Variants in PARD3B observed in about 807,000 individuals in gnomAD.
PARD3B encodes partitioning defective 3 homolog B.
In PARD3B, 103 loss-of-function variants were observed where a neutral mutation model predicts 130.2. That is an observed-to-expected ratio of 0.79 (90% confidence interval 0.67 to 0.93). PARD3B has a LOEUF of 0.93. Ranked by LOEUF, PARD3B falls within the 40% of genes least tolerant of loss-of-function variation. The pLI, the probability that PARD3B is intolerant of heterozygous loss-of-function variation, is 0.00. For synonymous variants in PARD3B, 583 were observed against 553.2 expected (o/e 1.05, Z -0.76); for missense variants, 1,609 against 1,499.2 (o/e 1.07, Z -1.21).
At chr2:204,895,643 C>T (rs1262727433) in intron 2 of PARD3B, among the ~76,000 whole-genome samples, 2 of 151,982 alleles carry the variant, frequency 1.3e-5, no homozygotes, top group Non-Finnish European at 2.9e-5. Flanking sequence ...ACTTAGTGAG[C>T]TCCCCCGCCA....
At chr2:204,727,186 A>G (rs1363348068) in intron 2 of PARD3B, among the ~76,000 whole-genome samples, 1 of 152,178 alleles carries the variant, frequency 6.6e-6, no homozygotes, top group Non-Finnish European at 1.5e-5. Context: ...GCTAGGTAAC[A>G]CAGCTCTTGT....
chr2:204,722,282 A>G (rs967779637), intron 2 of PARD3B, among the ~76,000 whole-genome samples: 2 of 152,212 alleles, frequency 1.3e-5, no homozygotes, highest in African/African-American at 4.8e-5. Flanking sequence ...TGTTCTATGA[A>G]GTAGAATTTG....
chr2:204,812,010 G>A (rs2042979115), intron 2 of PARD3B, among the ~76,000 whole-genome samples: 1 of 151,948 alleles, frequency 6.6e-6, no homozygotes, highest in Admixed American at 6.6e-5. Context: ...TTTTCTGAAT[G>A]TTTCTGTGAG....
At chr2:205,228,580 G>C (rs1024759312) in intron 15 of PARD3B, among the ~76,000 whole-genome samples, 1 of 152,000 alleles carries the variant, frequency 6.6e-6, no homozygotes, top group Non-Finnish European at 1.5e-5. Context: ...CTTGTCTTGA[G>C]GTAGTCTTAT....
intron 18 of PARD3B, among the ~76,000 whole-genome samples, chr2:205,388,239 C>A (rs698904): frequency 0.78 from 119,049 of 152,120 alleles, 49,101 homozygotes; most frequent in East Asian, 0.96. Flanking sequence ...TCTGTGAGAA[C>A]ACTGGCAGCC....
intron 13 of PARD3B, among the ~76,000 whole-genome samples, chr2:205,184,512 A>T (rs977146163): frequency 1.3e-5 from 2 of 151,986 alleles, no homozygotes; most frequent in African/African-American, 4.8e-5. Context: ...GGAGGCGGAG[A>T]TGAGTGGATC....
intron 2 of PARD3B, among the ~76,000 whole-genome samples, chr2:204,778,628 C>T (rs1317993042): frequency 6.6e-6 from 1 of 152,148 alleles, no homozygotes; most frequent in Non-Finnish European, 1.5e-5. Context: ...ACTAGCCCTG[C>T]CATATTCCCC....
chr2:204,862,653 AACCTCTC>A (rs1199529801), intron 2 of PARD3B, among the ~76,000 whole-genome samples: 2 of 152,090 alleles, frequency 1.3e-5, no homozygotes, highest in Non-Finnish European at 2.9e-5. Context: ...TGTCCCCAAG[AACCTCTC>A]ACTAGGACAC....
At chr2:204,561,395 TC>T (rs1446525924) in intron 1 of PARD3B, among the ~76,000 whole-genome samples, 1 of 152,128 alleles carries the variant, frequency 6.6e-6, no homozygotes, top group Middle Eastern at 3.2e-3. Flanking sequence ...TTGTCCCTTT[TC>T]CAGTCCCCTC....
At chr2:205,023,098 A>G (rs185477950) in intron 3 of PARD3B, among the ~76,000 whole-genome samples, 3 of 152,282 alleles carry the variant, frequency 2.0e-5, no homozygotes, top group Non-Finnish European at 2.9e-5. Context: ...TGCCTTTTCT[A>G]TGCCAAATCT....
chr2:205,138,519 T>C (rs1400390375), intron 10 of PARD3B, among the ~76,000 whole-genome samples: 1 of 152,242 alleles, frequency 6.6e-6, no homozygotes, highest in East Asian at 1.9e-4. Context: ...TAAATTTTAG[T>C]ATTTAAATGC....
chr2:205,225,352 T>G (rs966626928), intron 15 of PARD3B, among the ~76,000 whole-genome samples: 2 of 152,226 alleles, frequency 1.3e-5, no homozygotes, highest in African/African-American at 4.8e-5. Context: ...ATTTCTCTGA[T>G]GATCAATGAT....
In PARD3B at chr2:204,998,504, G is replaced by GTA. The variant is rs1291223978; in HGVS notation, c.394+33191_394+33192dup. On this transcript the variant is annotated intron_variant, in intron 3 of 22. Transcript: ENST00000406610. ...GTATATAATATATGTATATATATGT[G>GTA]TATATATATATGTGTGTGTATATAT... 1.0e-2 allele frequency among the ~76,000 whole-genome samples: 661 copies of GTA among 66,218 alleles called. 123 individuals carry two copies. The highest frequency in any genetic ancestry group is 0.041 in the African/African-American group (628 of 15,370). The allele number at this position is 66,218 out of a possible 152,430, so 43.4% of individuals were successfully genotyped here. A position where few individuals can be genotyped will look rare whatever the true frequency, so the allele number is the denominator to read the frequency against.
chr2:204,571,785 G>C (rs1399578862), intron 1 of PARD3B, among the ~76,000 whole-genome samples: 3 of 152,108 alleles, frequency 2.0e-5, no homozygotes, highest in Non-Finnish European at 4.4e-5. Context: ...ATAAACTTTA[G>C]TTCAGACCAA....
intron 10 of PARD3B, among the ~76,000 whole-genome samples, chr2:205,147,222 G>T (rs1053547978): frequency 1.3e-5 from 2 of 151,956 alleles, no homozygotes; most frequent in Admixed American, 6.6e-5. Context: ...TATTTTTCAT[G>T]ACACAAAATA....
At chr2:204,732,139 G>A (rs567934448) in intron 2 of PARD3B, among the ~76,000 whole-genome samples, 8 of 151,894 alleles carry the variant, frequency 5.3e-5, no homozygotes, top group African/African-American at 1.9e-4. Flanking sequence ...ATAACTTGGG[G>A]AAAAGCCAGG....
chr2:205,301,496 C>T lies in PARD3B; in HGVS notation c.2425C>T (p.Gln809Ter). Residue 809 changes from glutamine (Q) to a stop codon, truncating the protein, a stop_gained, in exon 18 of 23, where the codon CAA becomes TAA. Coordinates refer to ENST00000406610, the MANE Select transcript of PARD3B (RefSeq NM_001302769.2). LOFTEE classifies it high-confidence loss of function. This position sits in a 1 kb window ranked among gnomAD's most constrained non-coding sequence, Gnocchi z 5.2. ...GLSDKSSHSG[Q>*]GALNCESAPQ... ...GTCTGATAAGAGCTCTCACTCTGGC[C>T]AAGGAGCTCTGAATTGTGAGTCTGC... 6.2e-7 allele frequency: 1 copy of T among 1,613,494 alleles called. No homozygotes were observed. Among genetic ancestry groups the T allele is most frequent in the South Asian group, 1.1e-5 (1 of 91,038 alleles).
intron 3 of PARD3B, among the ~76,000 whole-genome samples, chr2:205,043,697 C>T (rs1698544943): frequency 6.6e-6 from 1 of 152,118 alleles, no homozygotes; most frequent in African/African-American, 2.4e-5. Context: ...AATATGACTT[C>T]TACTCTACCA....
intron 2 of PARD3B, among the ~76,000 whole-genome samples, chr2:204,928,780 T>G (rs184641323): frequency 2.2e-4 from 34 of 152,214 alleles, no homozygotes; most frequent in Admixed American, 2.0e-3. Flanking sequence ...TCTGAGAACA[T>G]GCCTTTAACT....
Sources: allele counts gnomAD v4.1 joint callset (sites outside exome capture counted in the v4.1 genomes callset), GRCh38; gene constraint gnomAD v4.1.1; non-coding constraint Gnocchi (gnomAD v3.1); transcripts MANE v1.5; gene names NCBI Gene and HGNC (gene_info 2026-07-23, HGNC 2026-07-21).